The following EHMT1 variants were observed in gnomAD, a reference collection of about 807,000 sequenced individuals.
EHMT1 encodes the protein histone-lysine N-methyltransferase EHMT1.
In EHMT1, 15 loss-of-function variants were observed where a neutral mutation model predicts 147.2. The observed-to-expected ratio is 0.10, with a 90% CI of 0.07 to 0.16. The LOEUF (loss-of-function observed/expected upper bound fraction) is 0.16, where lower values mean the gene tolerates loss of function less well. Among genes scored for constraint, EHMT1 ranks in the 10% least tolerant of loss-of-function variants. EHMT1 has a pLI of 1.00. For synonymous variants in EHMT1, 795 were observed against 709.6 expected, an observed-to-expected ratio of 1.12 and a Z score of -1.91; for missense variants, 1,587 against 1,772.4, an observed-to-expected ratio of 0.90 and a Z score of 1.88.
chr9:137,627,774 C>T (rs1465224909), intron 1 of EHMT1, among the ~76,000 whole-genome samples: 1 of 147,990 alleles, frequency 6.8e-6, no homozygotes, highest in Non-Finnish European at 1.5e-5. Flanking sequence ...GATCTCGGCT[C>T]ACTGCAACCT....
intron 1 of EHMT1, among the ~76,000 whole-genome samples, chr9:137,635,638 G>A (rs1843980424): frequency 6.6e-6 from 1 of 151,246 alleles, no homozygotes; most frequent in Admixed American, 6.6e-5. Context: ...GGCTAACATG[G>A]TGAAACCCCG....
intron 1 of EHMT1, among the ~76,000 whole-genome samples, chr9:137,707,879 C>T (rs1450989122): frequency 6.6e-6 from 1 of 152,158 alleles, no homozygotes; most frequent in East Asian, 1.9e-4. Flanking sequence ...CACCCCGGCT[C>T]ATCTCAGGCC....
intron 25 of EHMT1, among the ~76,000 whole-genome samples, chr9:137,822,894 C>CAAAA (rs1645464211): frequency 8.6e-6 from 1 of 116,462 alleles, no homozygotes; most frequent in African/African-American, 6.7e-5. Flanking sequence ...AACTTCATCT[C>CAAAA]GAAAAAAAAA....
intron 1 of EHMT1, among the ~76,000 whole-genome samples, chr9:137,707,770 C>A (rs562634961): frequency 6.6e-6 from 1 of 152,106 alleles, no homozygotes; most frequent in South Asian, 2.1e-4. Flanking sequence ...TGGGGTTTGG[C>A]GGGTGCCTCC....
intron 1 of EHMT1, among the ~76,000 whole-genome samples, chr9:137,669,592 GGCGCAGCCGCTCCA>G (rs1315494292): frequency 4.3e-5 from 5 of 116,660 alleles, no homozygotes; most frequent in African/African-American, 1.6e-4. Flanking sequence ...GTCTACCCAG[GGCGCAGCCGCTCCA>G]GCAGCTCTTC....
chr9:137,745,446 A>G (rs1948461268), intron 6 of EHMT1: 2 of 398,492 alleles, frequency 5.0e-6, no homozygotes, highest in Non-Finnish European at 8.8e-6. Flanking sequence ...TAAGATAATT[A>G]TTAGTTTTTT....
At chr9:137,831,446 C>A (rs760251815) in intron 25 of EHMT1, among the ~76,000 whole-genome samples, 2 of 152,154 alleles carry the variant, frequency 1.3e-5, no homozygotes, top group African/African-American at 2.4e-5. Flanking sequence ...AATAATGTTG[C>A]GTACAAGTCA....
At chr9:137,654,526 G>C (rs1938229277) in intron 1 of EHMT1, among the ~76,000 whole-genome samples, 1 of 152,176 alleles carries the variant, frequency 6.6e-6, no homozygotes, top group Non-Finnish European at 1.5e-5. Flanking sequence ...TTTGTTGTAA[G>C]TTTTGAAATG....
intron 10 of EHMT1, among the ~76,000 whole-genome samples, chr9:137,773,401 C>A (rs1430224047): frequency 3.3e-5 from 5 of 151,918 alleles, no homozygotes; most frequent in Admixed American, 1.3e-4. Flanking sequence ...TGGGGTGGGG[C>A]CCAGACTGTC....
rs146269774 is a variant in EHMT1 at position 137,800,928 on chromosome 9, G to A, written c.2656G>A (p.Val886Met). 2.3e-5 allele frequency: 37 copies of A among 1,614,158 alleles called. No homozygotes were observed. Among genetic ancestry groups the A allele is most frequent in the African/African-American group, 1.9e-4 (14 of 75,032 alleles). ...PMIWATEYKH[V>M]DLVKLLLSKG... Reference sequence around the variant, plus strand: ...GATCTGGGCCACAGAGTACAAGCACGTGGACCTCGTGAAGCTGCTGCTGTC... The same window carrying A: ...GATCTGGGCCACAGAGTACAAGCACATGGACCTCGTGAAGCTGCTGCTGTC... The change falls in exon 18 of 27, where the codon GTG becomes ATG. Residue 886 changes from valine (V) to methionine (M), a missense_variant. Val to Met is a conservative substitution (Grantham distance 21). Around this residue, in one of 7 missense-constraint regions of EHMT1, gnomAD observed 201 missense variants for 350.1 expected, o/e 0.57. Transcript: ENST00000460843.
intron 1 of EHMT1, among the ~76,000 whole-genome samples, chr9:137,652,596 G>A (rs1353920182): frequency 6.7e-6 from 1 of 150,178 alleles, no homozygotes; most frequent in East Asian, 2.0e-4. Context: ...ATGTTAGCTA[G>A]GCTGGTCTTG....
At chr9:137,823,398 C>G (rs1435366813) in intron 25 of EHMT1, 6 of 370,082 alleles carry the variant, frequency 1.6e-5, no homozygotes, top group African/African-American at 2.5e-5. Flanking sequence ...GCACCGCACC[C>G]GGCCAACGCC....
chr9:137,813,228 G>T lies in EHMT1; in HGVS notation c.3035+55G>T. 6.3e-7 allele frequency: 1 copy of T among 1,591,626 alleles called. No individual in the cohort carries two copies. The highest frequency in any genetic ancestry group is 8.5e-7 in the Non-Finnish European group (1 of 1,174,930). On this transcript the variant is annotated intron_variant, in intron 20 of 26. Transcript: ENST00000460843. This position sits in a 1 kb window ranked among gnomAD's most constrained non-coding sequence, Gnocchi z 4.9. ...CAAATCAGCGGTCAGCAGGGCTTTG[G>T]GAACTTGCGGTGAAAGCTGCTCCTG...
At chr9:137,769,324 A>T (rs1950448227) in intron 10 of EHMT1, among the ~76,000 whole-genome samples, 2 of 152,194 alleles carry the variant, frequency 1.3e-5, no homozygotes, top group Admixed American at 1.3e-4. Flanking sequence ...ACATATCCAG[A>T]GATCTTTATT....
chr9:137,779,287 C>T (rs567660089), intron 13 of EHMT1, among the ~76,000 whole-genome samples: 8 of 152,350 alleles, frequency 5.3e-5, no homozygotes, highest in Non-Finnish European at 1.0e-4. Context: ...GGGGCTGGTC[C>T]CGGCTGTGCT....
At chr9:137,621,684 A>G (rs1015952334) in intron 1 of EHMT1, among the ~76,000 whole-genome samples, 4 of 152,054 alleles carry the variant, frequency 2.6e-5, no homozygotes, top group Admixed American at 6.6e-5. Context: ...TGGATTAGTT[A>G]GTAAATGGGG....
chr9:137,634,346 G>T (rs972741998), intron 1 of EHMT1, among the ~76,000 whole-genome samples: 12 of 152,140 alleles, frequency 7.9e-5, no homozygotes, highest in African/African-American at 2.9e-4. Flanking sequence ...TAGGATCCAG[G>T]CTTCATTCTT....
At chr9:137,676,682 G>T (rs563920043) in intron 1 of EHMT1, among the ~76,000 whole-genome samples, 1 of 152,248 alleles carries the variant, frequency 6.6e-6, no homozygotes, top group African/African-American at 2.4e-5. Flanking sequence ...GCCCACAGGG[G>T]ACTGGAGTCC....
intron 4 of EHMT1, among the ~76,000 whole-genome samples, chr9:137,739,562 TG>T (rs1402227506): frequency 6.6e-6 from 1 of 151,766 alleles, no homozygotes; most frequent in African/African-American, 2.4e-5. Context: ...AGGTCCCTGC[TG>T]GGTTCATTTT....
Sources: gnomAD v4.1 joint callset for allele counts (sites outside exome capture counted in the v4.1 genomes callset) on GRCh38, gnomAD v4.1.1 for gene constraint, gnomAD v4.1.1 regional missense constraint, Gnocchi (gnomAD v3.1) non-coding constraint, MANE v1.5 for transcripts, NCBI Gene and HGNC (gene_info 2026-07-23, HGNC 2026-07-21) for gene names.